Variants in GALNT13 observed in about 807,000 individuals in gnomAD.
GALNT13 encodes the protein UDP-GalNAc:polypeptide N-acetylgalactosaminyltransferase 13.
In GALNT13, 28 loss-of-function variants were observed where a neutral mutation model predicts 64.2. That is an observed-to-expected ratio of 0.44 (90% CI 0.32 to 0.60). GALNT13 has a LOEUF of 0.60. Among genes scored for constraint, GALNT13 ranks in the 20% least tolerant of loss-of-function variants. The probability of loss-of-function intolerance (pLI) is 0.05; values close to 1 mark genes in which losing one functional copy is unlikely to be tolerated. For synonymous variants in GALNT13, 214 were observed against 224.6 expected (o/e 0.95, Z 0.42); for missense variants, 577 against 669.8 (o/e 0.86, Z 1.53).
chr2:154,023,305 G>C (rs1057092496), intron 3 of GALNT13, among the ~76,000 whole-genome samples: 6 of 152,014 alleles, frequency 3.9e-5, no homozygotes, highest in African/African-American at 7.2e-5. Flanking sequence ...TAAAGTCTCC[G>C]ATTATTATTG....
chr2:153,392,030 T>C, the GALNT13 span, among the ~76,000 whole-genome samples: 1 of 148,506 alleles, frequency 6.7e-6, no homozygotes, highest in South Asian at 2.1e-4. Context: ...GTTTATATAA[T>C]ATATGTGATT....
the GALNT13 span, among the ~76,000 whole-genome samples, chr2:153,763,063 A>G: frequency 6.6e-6 from 1 of 151,940 alleles, no homozygotes; most frequent in Non-Finnish European, 1.5e-5. Flanking sequence ...TGATGTCAAA[A>G]TTTACATTAT....
At chr2:153,519,571 T>C in the GALNT13 span, among the ~76,000 whole-genome samples, 1 of 152,174 alleles carries the variant, frequency 6.6e-6, no homozygotes, top group Non-Finnish European at 1.5e-5. Flanking sequence ...TCTATAAATG[T>C]AGGGTTTATT....
At chr2:154,110,814 G>A (rs1369670464) in intron 3 of GALNT13, among the ~76,000 whole-genome samples, 5 of 151,966 alleles carry the variant, frequency 3.3e-5, no homozygotes, top group African/African-American at 4.8e-5. Context: ...CCTTCTCAAC[G>A]TGAACTCATA....
chr2:153,151,454 A>G, the GALNT13 span, among the ~76,000 whole-genome samples: 1 of 152,126 alleles, frequency 6.6e-6, no homozygotes, highest in Non-Finnish European at 1.5e-5. Context: ...TAGACATACC[A>G]TTTGACCCAG....
At chr2:154,022,859 T>C (rs540010335) in intron 3 of GALNT13, among the ~76,000 whole-genome samples, 174 of 152,334 alleles carry the variant, frequency 1.1e-3, no homozygotes, top group Non-Finnish European at 1.6e-3. Flanking sequence ...CTCTACACAC[T>C]GCTTTGAATG....
At chr2:153,125,697 A>T in the GALNT13 span, among the ~76,000 whole-genome samples, 1 of 152,240 alleles carries the variant, frequency 6.6e-6, no homozygotes, top group Non-Finnish European at 1.5e-5. Context: ...AATACATAAA[A>T]GTACGCAGTA....
the GALNT13 span, among the ~76,000 whole-genome samples, chr2:153,274,050 CT>C: frequency 6.6e-6 from 1 of 152,038 alleles, no homozygotes; most frequent in Non-Finnish European, 1.5e-5. Flanking sequence ...TTATAGCTTA[CT>C]AAAGTTAGCC....
the GALNT13 span, among the ~76,000 whole-genome samples, chr2:153,581,117 C>T: frequency 6.6e-6 from 1 of 152,034 alleles, no homozygotes; most frequent in Non-Finnish European, 1.5e-5. Flanking sequence ...TCATGTCTTG[C>T]TTGTACCTTA....
chr2:154,297,392 C>A (rs191243903), intron 8 of GALNT13, among the ~76,000 whole-genome samples: 1 of 152,254 alleles, frequency 6.6e-6, no homozygotes, highest in East Asian at 1.9e-4. Flanking sequence ...TACTGCCTCA[C>A]ATATGGCCTG....
At chr2:154,204,404 C>G (rs145821707) in intron 4 of GALNT13, among the ~76,000 whole-genome samples, 1 of 152,118 alleles carries the variant, frequency 6.6e-6, no homozygotes, top group Admixed American at 6.5e-5. Context: ...TAAATATTAA[C>G]TGAATAAATA....
the GALNT13 span, among the ~76,000 whole-genome samples, chr2:153,822,077 G>T: frequency 6.6e-6 from 1 of 152,040 alleles, no homozygotes; most frequent in Non-Finnish European, 1.5e-5. Flanking sequence ...CTCCAAAATA[G>T]AATCAGTAAC....
chr2:153,104,687 T>A, the GALNT13 span, among the ~76,000 whole-genome samples: 23 of 152,286 alleles, frequency 1.5e-4, no homozygotes, highest in African/African-American at 5.5e-4. Flanking sequence ...ATCTACCATG[T>A]TTGACTAGAT....
intron 8 of GALNT13, among the ~76,000 whole-genome samples, chr2:154,294,442 A>C (rs1371477836): frequency 6.6e-6 from 1 of 152,210 alleles, no homozygotes; most frequent in East Asian, 1.9e-4. Flanking sequence ...AAAAGATTTC[A>C]AACCAGATTT....
chr2:153,367,491 G>T, the GALNT13 span, among the ~76,000 whole-genome samples: 1 of 152,114 alleles, frequency 6.6e-6, no homozygotes, highest in African/African-American at 2.4e-5. Flanking sequence ...TAAGGATCTT[G>T]AAATTGTGAG....
chr2:153,408,698 A>C, the GALNT13 span, among the ~76,000 whole-genome samples: 1 of 152,150 alleles, frequency 6.6e-6, no homozygotes, highest in African/African-American at 2.4e-5. Context: ...CTTTTGCAAA[A>C]AAGATGAAGA....
chr2:154,097,298 A>T (rs1354694521), intron 3 of GALNT13, among the ~76,000 whole-genome samples: 1 of 152,068 alleles, frequency 6.6e-6, no homozygotes, highest in Non-Finnish European at 1.5e-5. Context: ...AATAAAACCC[A>T]CAATAACCCA....
intron 4 of GALNT13, among the ~76,000 whole-genome samples, chr2:154,234,346 T>C (rs2105852866): frequency 6.6e-6 from 1 of 152,268 alleles, no homozygotes; most frequent in South Asian, 2.1e-4. Flanking sequence ...ATTTCATATG[T>C]TCTCCTCCAA....
chr2:153,813,796 T>C, the GALNT13 span, among the ~76,000 whole-genome samples: 2 of 152,166 alleles, frequency 1.3e-5, no homozygotes, highest in African/African-American at 4.8e-5. Flanking sequence ...CTTTAACAAC[T>C]ATAATTTATT....
Sources: gnomAD v4.1 joint callset for allele counts (sites outside exome capture counted in the v4.1 genomes callset) on GRCh38, gnomAD v4.1.1 for gene constraint, MANE v1.5 for transcripts, NCBI Gene and HGNC (gene_info 2026-07-23, HGNC 2026-07-21) for gene names.